Variants in RFX3 observed in about 807,000 individuals in gnomAD.
RFX3 encodes transcription factor RFX3.
A neutral mutation model predicts 98.6 loss-of-function variants in RFX3; 14 were observed. That is an observed-to-expected ratio of 0.14 (90% CI 0.09 to 0.22). The LOEUF is 0.22. RFX3 is among the 10% of genes least tolerant of loss of function. The probability of loss-of-function intolerance (pLI) is 1.00; values close to 1 mark genes in which losing one functional copy is unlikely to be tolerated. For synonymous variants in RFX3, 383 were observed against 328.4 expected, an observed-to-expected ratio of 1.17 and a Z score of -1.80; for missense variants, 639 against 926.9, an observed-to-expected ratio of 0.69 and a Z score of 4.03.
chr9:3,504,250 TTA>T (rs1205997935), intron 1 of RFX3, among the ~76,000 whole-genome samples: 1 of 130,928 alleles, frequency 7.6e-6, no homozygotes, highest in Non-Finnish European at 1.5e-5. Flanking sequence ...TATATATATT[TTA>T]TATATAATAT....
At chr9:3,387,316 T>C (rs911813778) in intron 2 of RFX3, among the ~76,000 whole-genome samples, 2 of 152,194 alleles carry the variant, frequency 1.3e-5, no homozygotes, top group Non-Finnish European at 2.9e-5. Context: ...GCCTGGCACA[T>C]TCCTCTTAGA....
intron 2 of RFX3, 140 bp downstream of exon 2, chr9:3,395,332 A>G: frequency 2.2e-6 from 2 of 905,076 alleles, no homozygotes; most frequent in African/African-American, 1.6e-5. Flanking sequence ...CTCAAGAAAC[A>G]TTTGCTGAAT....
At chr9:3,269,921 A>G (rs909705736) in intron 11 of RFX3, among the ~76,000 whole-genome samples, 1 of 152,114 alleles carries the variant, frequency 6.6e-6, no homozygotes, top group African/African-American at 2.4e-5. Flanking sequence ...ACAGATTTCC[A>G]TAATTTTTGG....
At chr9:3,444,117 T>C (rs917884907) in intron 1 of RFX3, among the ~76,000 whole-genome samples, 2 of 152,184 alleles carry the variant, frequency 1.3e-5, no homozygotes, top group African/African-American at 4.8e-5. Flanking sequence ...ACATCGATAG[T>C]CATAAGAGCT....
intron 13 of RFX3, 74 bp downstream of exon 13, chr9:3,262,861 T>C: frequency 6.8e-7 from 1 of 1,460,720 alleles, no homozygotes; most frequent in South Asian, 1.2e-5. Context: ...GAAAAGAAAT[T>C]TGATGATCCC....
At chr9:3,295,398 G>A (rs1033927143) in intron 5 of RFX3, among the ~76,000 whole-genome samples, 3 of 151,958 alleles carry the variant, frequency 2.0e-5, no homozygotes, top group Non-Finnish European at 4.4e-5. Flanking sequence ...GCTGGTTCTT[G>A]TTTTGTGTAC....
chr9:3,228,967 T>C, intron 15 of RFX3, 78 bp from the exon 16 acceptor site: 2 of 1,257,212 alleles, frequency 1.6e-6, no homozygotes, highest in Admixed American at 2.2e-5. Context: ...GTAGTAAAAA[T>C]GCCAATCTAT....
intron 1 of RFX3, among the ~76,000 whole-genome samples, chr9:3,485,156 TAAAA>T (rs1850151262): frequency 6.6e-6 from 1 of 151,884 alleles, no homozygotes; most frequent in East Asian, 1.9e-4. Flanking sequence ...AAAATAAAAA[TAAAA>T]AACATACTGA....
At position 3,245,929 on chromosome 9, in the gene RFX3, A is replaced by G. The variant is rs146575022; in HGVS notation, c.1968+2103T>C. Among the ~76,000 whole-genome samples, 98 of 152,308 alleles carry G rather than the reference A, an allele frequency of 6.4e-4. 1 individual carries two copies. Among genetic ancestry groups the G allele is most frequent in the East Asian group, 5.4e-3 (28 of 5,178 alleles). On this transcript the variant is annotated intron_variant, in intron 15 of 16. Transcript: ENST00000617270. ...GACCAAGAGAAGGTAGGCTTAGGAT[A>G]ATGTGAGGAGAACATGAGAAAACAA...
intron 1 of RFX3, among the ~76,000 whole-genome samples, chr9:3,509,221 C>T (rs1817425147): frequency 6.6e-6 from 1 of 151,946 alleles, no homozygotes; most frequent in Non-Finnish European, 1.5e-5. Context: ...AGCGCTGCTA[C>T]ACTTTTAAAG....
At chr9:3,271,523 TTCTTTCTTTCTCTCTTTC>T (rs1254732363) in intron 9 of RFX3, among the ~76,000 whole-genome samples, 2 of 82,786 alleles carry the variant, frequency 2.4e-5, no homozygotes, top group East Asian at 4.7e-4. Flanking sequence ...CCTCCCTCCC[TTCTTTCTTTCTCTCTTTC>T]TCTTTCTCTC....
chr9:3,416,184 A>G (rs900933305), intron 1 of RFX3, among the ~76,000 whole-genome samples: 2 of 152,162 alleles, frequency 1.3e-5, no homozygotes, highest in African/African-American at 4.8e-5. Flanking sequence ...GTGCTTTATA[A>G]ATACTATCCC....
chr9:3,228,803 A>T, intron 16 of RFX3, 44 bp downstream of exon 16: 1 of 1,504,988 alleles, frequency 6.6e-7, no homozygotes, highest in Non-Finnish European at 9.1e-7. Flanking sequence ...AGAACTTATT[A>T]ATAAATAAAA....
chr9:3,389,417 T>C (rs573981434), intron 2 of RFX3, among the ~76,000 whole-genome samples: 134 of 152,228 alleles, frequency 8.8e-4, no homozygotes, highest in African/African-American at 3.2e-3. Context: ...ATGGGTAATA[T>C]CAAAATTTGA....
chr9:3,312,648 T>G (rs2920368), intron 4 of RFX3, among the ~76,000 whole-genome samples: 36,902 of 151,604 alleles, frequency 0.24, 6,650 homozygotes, highest in African/African-American at 0.51. Context: ...GCAGCTCCCA[T>G]TGTGAGCAAC....
chr9:3,267,559 C>T (rs1432636218), intron 11 of RFX3, among the ~76,000 whole-genome samples: 2 of 151,664 alleles, frequency 1.3e-5, no homozygotes, highest in African/African-American at 4.8e-5. Context: ...TTTAACTGTT[C>T]AAAACTGGAG....
chr9:3,276,992 A>G (rs964230225), intron 8 of RFX3, among the ~76,000 whole-genome samples: 1 of 152,070 alleles, frequency 6.6e-6, no homozygotes, highest in East Asian at 1.9e-4. Context: ...AACTTTATAC[A>G]TAGGAAATGA....
intron 1 of RFX3, chr9:3,524,712 C>G (rs754462935): frequency 1.1e-4 from 81 of 712,292 alleles, no homozygotes; most frequent in Non-Finnish European, 1.4e-4. Context: ...GGAGGATCAT[C>G]AAAGTGAAAC....
intron 13 of RFX3, 146 bp downstream of exon 13, chr9:3,262,789 G>T: frequency 1.2e-6 from 1 of 818,542 alleles, no homozygotes; most frequent in Non-Finnish European, 1.9e-6. Flanking sequence ...CTGTATCTGG[G>T]TCAAACTCCT....
Sources: gnomAD v4.1 joint callset for allele counts (sites outside exome capture counted in the v4.1 genomes callset) on GRCh38, gnomAD v4.1.1 for gene constraint, MANE v1.5 for transcripts, NCBI Gene and HGNC (gene_info 2026-07-23, HGNC 2026-07-21) for gene names.